Variants in ARHGAP8 observed in about 807,000 individuals in gnomAD.
ARHGAP8 encodes rho GTPase-activating protein 8.
A neutral mutation model predicts 46.1 loss-of-function variants in ARHGAP8; 62 were observed. That is an observed-to-expected ratio of 1.34 (90% CI 1.10 to 1.66). The LOEUF (loss-of-function observed/expected upper bound fraction) is 1.66, where lower values mean the gene tolerates loss of function less well. ARHGAP8 is among the 40% of genes most tolerant of loss of function. The pLI, the probability that ARHGAP8 is intolerant of heterozygous loss-of-function variation, is 0.00. For missense variants in ARHGAP8, 923 were observed against 568.4 expected (o/e 1.62, Z -6.34); for synonymous variants, 375 against 243.1 (o/e 1.54, Z -5.05).
rs528998726 is a variant in ARHGAP8, at chr22:44,849,048, C to A, written c.865C>A (p.Leu289Ile). The A allele has an allele frequency of 1.2e-6, 2 of 1,613,962 alleles. No individual in the cohort carries two copies. Among genetic ancestry groups the A allele is most frequent in the African/African-American group, 2.7e-5 (2 of 75,046 alleles). ...GACCTTCCAGGCCTACGAGCAGATT[C>A]TCGGGATCACCTGTGCGTAGCTGCC... ...LLTFQAYEQI[L>I]GITCVESSLR... Residue 289 changes from leucine to isoleucine, a missense_variant, in exon 10 of 12, where the codon CTC (leucine) becomes ATC (isoleucine). Physicochemically the swap from Leu to Ile is conservative, Grantham distance 5 (BLOSUM62 2). Coordinates refer to ENST00000356099, the MANE Select transcript of ARHGAP8 (RefSeq NM_181335.3).
At chr22:44,851,169 C>G (rs1480168859) in intron 10 of ARHGAP8, among the ~76,000 whole-genome samples, 5 of 152,072 alleles carry the variant, frequency 3.3e-5, no homozygotes. Flanking sequence ...CATAAAGATA[C>G]CAGACATTTG....
At chr22:44,798,894 A>G (rs1241497215) in intron 2 of ARHGAP8, among the ~76,000 whole-genome samples, 1 of 139,608 alleles carries the variant, frequency 7.2e-6, no homozygotes, top group Non-Finnish European at 1.5e-5. Context: ...CCTCCCGAGT[A>G]GCTGGGATTA....
At chr22:44,830,585 G>A (rs1194357185) in intron 7 of ARHGAP8, among the ~76,000 whole-genome samples, 2 of 151,876 alleles carry the variant, frequency 1.3e-5, no homozygotes, top group East Asian at 3.9e-4. Flanking sequence ...CACCCAGGCT[G>A]GAGTGCAATG....
At chr22:44,831,668 C>T (rs1930957646) in intron 7 of ARHGAP8, among the ~76,000 whole-genome samples, 1 of 152,020 alleles carries the variant, frequency 6.6e-6, no homozygotes, top group South Asian at 2.1e-4. Flanking sequence ...CATTACACTC[C>T]AGCCTGGGTG....
intron 7 of ARHGAP8, among the ~76,000 whole-genome samples, chr22:44,835,491 G>A (rs1931223870): frequency 2.0e-5 from 3 of 152,078 alleles, no homozygotes; most frequent in Non-Finnish European, 4.4e-5. Context: ...CATGGTTGCA[G>A]GCGCCTATAG....
chr22:44,759,630 C>G (rs1924970504), intron 1 of ARHGAP8, among the ~76,000 whole-genome samples: 2 of 152,066 alleles, frequency 1.3e-5, no homozygotes, highest in South Asian at 4.2e-4. Context: ...CCCAGCTGCG[C>G]AGAGACTCTC....
rs1202375836 is a variant in ARHGAP8 at position 44,862,777 on chromosome 22, T to C, written c.*182T>C. 2 of 695,696 alleles carry C rather than the reference T, an allele frequency of 2.9e-6. No individual in the cohort carries two copies. The highest frequency in any genetic ancestry group is 4.4e-6 in the Non-Finnish European group (2 of 451,392). 43.1% of individuals were successfully genotyped at this position (695,696 alleles called of 1,614,324 possible). A position where few individuals can be genotyped will look rare whatever the true frequency, so the allele number is the denominator to read the frequency against. ...ATGGTTCCTGAGCTGTGGACCGGGATAGAATAATGCATTTGTTAGGATGGA... is the reference window on the plus strand; with the variant it reads ...ATGGTTCCTGAGCTGTGGACCGGGACAGAATAATGCATTTGTTAGGATGGA... On this transcript the variant is annotated 3_prime_UTR_variant, in exon 12 of 12. Transcript: ENST00000356099.
chr22:44,856,602 A>G lies in ARHGAP8; in HGVS notation c.878-3129A>G, dbSNP rs12484483. Among the ~76,000 whole-genome samples the G allele has an allele frequency of 8.7e-3, 979 of 112,092 alleles. 145 individuals carry two copies. Among genetic ancestry groups the G allele is most frequent in the East Asian group, 0.046 (211 of 4,554 alleles). The allele number at this position is 112,092 out of a possible 152,430, so 73.5% of individuals were successfully genotyped here. On this transcript the variant is annotated intron_variant, in intron 10 of 11. Transcript: ENST00000356099. ...AAATTCTTGGGGCTACATCCTGACCATTGGCTGTTCCCCCAGGCATTTGGA... is the reference window on the plus strand; with the variant it reads ...AAATTCTTGGGGCTACATCCTGACCGTTGGCTGTTCCCCCAGGCATTTGGA...
intron 3 of ARHGAP8, among the ~76,000 whole-genome samples, chr22:44,807,992 C>T (rs1370515513): frequency 6.6e-6 from 1 of 152,214 alleles, no homozygotes; most frequent in Non-Finnish European, 1.5e-5. Context: ...TTTAATTGCA[C>T]CTACAAAGAC....
intron 1 of ARHGAP8, among the ~76,000 whole-genome samples, chr22:44,782,567 C>T (rs13053973): frequency 0.32 from 48,236 of 151,852 alleles, 8,458 homozygotes; most frequent in South Asian, 0.48. Context: ...CTATTCGGGA[C>T]GCTTCATGTA....
intron 5 of ARHGAP8, among the ~76,000 whole-genome samples, chr22:44,820,932 C>G (rs1216924107): frequency 6.6e-6 from 1 of 152,198 alleles, no homozygotes; most frequent in Non-Finnish European, 1.5e-5. Context: ...TTTGGATTCT[C>G]CTACCTGTCA....
intron 7 of ARHGAP8, among the ~76,000 whole-genome samples, chr22:44,843,484 A>G (rs1330094999): frequency 9.2e-5 from 14 of 152,248 alleles, no homozygotes; most frequent in Non-Finnish European, 1.6e-4. Context: ...AATAAAAATA[A>G]TAAAGTAGTA....
At chr22:44,835,493 C>T (rs35523314) in intron 7 of ARHGAP8, among the ~76,000 whole-genome samples, 27,205 of 151,960 alleles carry the variant, frequency 0.18, 2,537 homozygotes, top group South Asian at 0.22. Flanking sequence ...TGGTTGCAGG[C>T]GCCTATAGGC....
intron 10 of ARHGAP8, among the ~76,000 whole-genome samples, chr22:44,857,288 C>G (rs2070254545): frequency 6.6e-6 from 1 of 152,152 alleles, no homozygotes; most frequent in Admixed American, 6.5e-5. Context: ...GGTCCTGGCT[C>G]TCTGTGCAGC....
chr22:44,801,952 A>G (rs1258406955), intron 2 of ARHGAP8, 125 bp from the exon 3 acceptor site: 10 of 1,099,310 alleles, frequency 9.1e-6, no homozygotes, highest in Non-Finnish European at 1.3e-5. Context: ...GTCGCCTCCG[A>G]GGAACGCTGC....
At chr22:44,823,791 G>C (rs943295011) in intron 6 of ARHGAP8, among the ~76,000 whole-genome samples, 1 of 152,132 alleles carries the variant, frequency 6.6e-6, no homozygotes, top group Admixed American at 6.5e-5. Flanking sequence ...TGTGAAACAC[G>C]CAGCTCCGGC....
chr22:44,789,665 A>C (rs1364883062), intron 2 of ARHGAP8, among the ~76,000 whole-genome samples: 1 of 148,876 alleles, frequency 6.7e-6, no homozygotes, highest in African/African-American at 2.5e-5. Flanking sequence ...CGCCTGGCTA[A>C]TTTTCTTGGT....
In ARHGAP8 at chr22:44,862,560, C is replaced by G. The variant is rs371629439; in HGVS notation, c.1267C>G (p.Pro423Ala). 15 of 1,597,108 alleles carry G rather than the reference C, an allele frequency of 9.4e-6. No individual in the cohort carries two copies. The highest frequency in any genetic ancestry group is 1.2e-5 in the Non-Finnish European group (14 of 1,167,244). ...GGGCCTCACCAAGCCTACCCTACCT[C>G]CGAGTCCCCTGATGGCAGCCAGAAG... ...ATGLTKPTLP[P>A]SPLMAARRRL The change falls in exon 12 of 12, where the codon CCG (proline) becomes GCG (alanine). Residue 423 changes from proline (P) to alanine (A), a missense_variant. Physicochemically the swap from Pro to Ala is conservative, Grantham distance 27. Transcript: ENST00000356099.
intron 2 of ARHGAP8, among the ~76,000 whole-genome samples, chr22:44,797,460 G>T (rs1602189223): frequency 6.6e-6 from 1 of 152,290 alleles, no homozygotes; most frequent in African/African-American, 2.4e-5. Context: ...AGCCATTGAA[G>T]ATTTTGTGCC....
Sources: allele counts gnomAD v4.1 joint callset (sites outside exome capture counted in the v4.1 genomes callset), GRCh38; gene constraint gnomAD v4.1.1; transcripts MANE v1.5; gene names NCBI Gene and HGNC (gene_info 2026-07-23, HGNC 2026-07-21).